Variants in B3GNT5 observed in about 807,000 individuals in gnomAD.
The protein encoded by B3GNT5 is UDP-GlcNAc:betaGal beta-1,3-N-acetylglucosaminyltransferase 5.
In B3GNT5, 11 loss-of-function variants were observed where a neutral mutation model predicts 25.9. That is an observed-to-expected ratio of 0.42 (90% CI 0.27 to 0.70). The LOEUF is 0.70. Among genes scored for constraint, B3GNT5 ranks in the 30% least tolerant of loss-of-function variants. The pLI is 0.23. For missense variants in B3GNT5, 385 were observed against 458.4 expected, an observed-to-expected ratio of 0.84 and a Z score of 1.46; for synonymous variants, 166 against 158.6, an observed-to-expected ratio of 1.05 and a Z score of -0.35.
At position 183,270,194 on chromosome 3, in the gene B3GNT5, A is replaced by G. The variant is rs1213975456; in HGVS notation, c.396A>G (p.Gly132=). Residue 132 remains glycine (G), a synonymous_variant, in exon 2 of 2, where the codon GGA becomes GGG. Transcript: ENST00000326505. This position sits in a 1 kb window ranked among gnomAD's most constrained non-coding sequence, Gnocchi z 4.5. ...NANIKTLFAL[G]TPNPLEGEEL... is the part of the protein sequence containing the mutation. The stretch of plus-strand genomic sequence containing the variant: ...ACATCAAAACTCTGTTTGCCTTAGG[A>G]ACTCCTAATCCACTGGAGGGAGAAG... 1 of 1,614,196 alleles carries G rather than the reference A, an allele frequency of 6.2e-7. No homozygotes were observed. Among genetic ancestry groups the G allele is most frequent in the Admixed American group, 1.7e-5 (1 of 60,018 alleles).
In B3GNT5 at chr3:183,267,066, G is replaced by A. The variant is rs985263219; in HGVS notation, c.-301-2432G>A. ...CTCCCAAAGCGCTAGGATTACAGGCGTGAGCCACCATGGCCGGCCTTCAGC... is the reference window on the plus strand; with the variant it reads ...CTCCCAAAGCGCTAGGATTACAGGCATGAGCCACCATGGCCGGCCTTCAGC... On this transcript the variant is annotated intron_variant, in intron 1 of 1. Coordinates refer to ENST00000326505, the MANE Select transcript of B3GNT5 (RefSeq NM_032047.5). The surrounding 1 kb of genome is among the most constrained non-coding windows in gnomAD (Gnocchi z 5.5). 1.3e-5 allele frequency among the ~76,000 whole-genome samples: 2 copies of A among 152,152 alleles called. No individual in the cohort carries two copies. The highest frequency in any genetic ancestry group is 2.4e-5 in the African/African-American group (1 of 41,436).
Position 183,273,081 on chromosome 3 carries a change from T to C in B3GNT5, c.*2146T>C. 7.1e-7 allele frequency: 1 copy of C among 1,416,720 alleles called. No individual in the cohort carries two copies. The allele number at this position is 1,416,720 out of a possible 1,614,324, so 87.8% of individuals were successfully genotyped here. On this transcript the variant is annotated 3_prime_UTR_variant, in exon 2 of 2. Transcript: ENST00000326505. ...GAAGAGTATCTGTAAATAAAAGGGT[T>C]CCAACCTTTTAAAAAAGAAGGAAAA...
At chr3:183,255,128 G>C (rs1049656695) in intron 1 of B3GNT5, among the ~76,000 whole-genome samples, 3 of 152,164 alleles carry the variant, frequency 2.0e-5, no homozygotes, top group Admixed American at 1.3e-4. Flanking sequence ...TTGTGCGTCT[G>C]TGCCTTTATT....
At chr3:183,257,725 T>C (rs1273562555) in intron 1 of B3GNT5, among the ~76,000 whole-genome samples, 2 of 152,230 alleles carry the variant, frequency 1.3e-5, no homozygotes, top group Non-Finnish European at 2.9e-5. Flanking sequence ...AGGCAGACAC[T>C]GGGTTATATC....
At chr3:183,263,027 G>A (rs1408844543) in intron 1 of B3GNT5, among the ~76,000 whole-genome samples, 1 of 151,958 alleles carries the variant, frequency 6.6e-6, no homozygotes, top group African/African-American at 2.4e-5. Flanking sequence ...TCAGGAGACT[G>A]CTGGGCAGGG....
intron 1 of B3GNT5, among the ~76,000 whole-genome samples, chr3:183,257,958 CTTTTTTTTTTTTTTTT>C (rs35323502): frequency 3.1e-5 from 2 of 64,724 alleles, no homozygotes; most frequent in East Asian, 6.0e-4. Context: ...CCACTTCACC[CTTTTTTTTTTTTTTTT>C]TTTTTTTTTT....
At chr3:183,258,987 C>T (rs74802279) in intron 1 of B3GNT5, among the ~76,000 whole-genome samples, 1 of 152,014 alleles carries the variant, frequency 6.6e-6, no homozygotes, top group Non-Finnish European at 1.5e-5. Flanking sequence ...TGCATAATGA[C>T]AAGAAAAAAA....
chr3:183,261,348 G>A (rs1401628963), intron 1 of B3GNT5, among the ~76,000 whole-genome samples: 1 of 152,088 alleles, frequency 6.6e-6, no homozygotes, highest in Non-Finnish European at 1.5e-5. Context: ...AAAATACTTG[G>A]AATATAGAAC....
chr3:183,267,081 C>T lies in B3GNT5; in HGVS notation c.-301-2417C>T, dbSNP rs182623029. On this transcript the variant is annotated intron_variant, in intron 1 of 1. Coordinates refer to ENST00000326505, the MANE Select transcript of B3GNT5 (RefSeq NM_032047.5). This position sits in a 1 kb window ranked among gnomAD's most constrained non-coding sequence, Gnocchi z 5.5. ...GATTACAGGCGTGAGCCACCATGGC[C>T]GGCCTTCAGCCTTTGTGATATTAAA... 3.4e-3 allele frequency among the ~76,000 whole-genome samples: 512 copies of T among 152,282 alleles called. 5 individuals carry two copies. Among genetic ancestry groups the T allele is most frequent in the African/African-American group, 0.011 (464 of 41,556 alleles).
In B3GNT5 at chr3:183,270,997, T is replaced by A; in HGVS notation, c.*62T>A. The A allele has an allele frequency of 6.9e-7, 1 of 1,443,086 alleles. No homozygotes were observed. The highest frequency in any genetic ancestry group is 9.3e-7 in the Non-Finnish European group (1 of 1,071,704). 89.4% of individuals were successfully genotyped at this position (1,443,086 alleles called of 1,614,324 possible). A position where few individuals can be genotyped will look rare whatever the true frequency, so the allele number is the denominator to read the frequency against. On this transcript the variant is annotated 3_prime_UTR_variant, in exon 2 of 2. Transcript: ENST00000326505. The surrounding 1 kb of genome is among the most constrained non-coding windows in gnomAD (Gnocchi z 4.5). ...GTCAAACCTGGATGAAAAAAACCTT[T>A]AAATGTTCGTCTATACCCTAAGTAA...
At chr3:183,268,704 A>G (rs961164545) in intron 1 of B3GNT5, among the ~76,000 whole-genome samples, 1 of 152,210 alleles carries the variant, frequency 6.6e-6, no homozygotes, top group Non-Finnish European at 1.5e-5. Context: ...TTTAATTTGC[A>G]TAAAGACTTC....
At chr3:183,257,946 C>CTCCACT (rs1255131728) in intron 1 of B3GNT5, among the ~76,000 whole-genome samples, 1 of 147,854 alleles carries the variant, frequency 6.8e-6, no homozygotes, top group Non-Finnish European at 1.5e-5. Flanking sequence ...TCCTTGCTCC[C>CTCCACT]TCCACTTCAC....
intron 1 of B3GNT5, among the ~76,000 whole-genome samples, chr3:183,255,386 T>C (rs559549776): frequency 1.3e-5 from 2 of 152,368 alleles, no homozygotes; most frequent in African/African-American, 4.8e-5. Context: ...GGCCAACTCT[T>C]TGCTTTTAAA....
At position 183,272,689 on chromosome 3, in the gene B3GNT5, A is replaced by G. The variant is rs1298378385; in HGVS notation, c.*1754A>G. 1 of 1,008,926 alleles carries G rather than the reference A, an allele frequency of 9.9e-7. No homozygotes were observed. Among genetic ancestry groups the G allele is most frequent in the African/African-American group, 1.7e-5 (1 of 57,682 alleles). The allele number at this position is 1,008,926 out of a possible 1,614,324, so 62.5% of individuals were successfully genotyped here. On this transcript the variant is annotated 3_prime_UTR_variant, in exon 2 of 2. Coordinates refer to ENST00000326505, the MANE Select transcript of B3GNT5 (RefSeq NM_032047.5). Reference sequence around the variant, plus strand: ...TTAAGTTTTCTGACCAATTAAAAAAACATAGAGAACAAAAGCATATTTGAC... The same window carrying G: ...TTAAGTTTTCTGACCAATTAAAAAAGCATAGAGAACAAAAGCATATTTGAC...
At chr3:183,255,807 TA>T (rs543086878) in intron 1 of B3GNT5, among the ~76,000 whole-genome samples, 8,416 of 134,120 alleles carry the variant, frequency 0.063, 253 homozygotes, top group South Asian at 0.12. Flanking sequence ...GGTGAGATTG[TA>T]AAAAAAAAAA....
At chr3:183,263,549 G>A (rs908872452) in intron 1 of B3GNT5, among the ~76,000 whole-genome samples, 4 of 151,784 alleles carry the variant, frequency 2.6e-5, no homozygotes, top group African/African-American at 4.8e-5. Flanking sequence ...CTCCTTCTCC[G>A]GAGTTTATTT....
At chr3:183,263,163 C>G (rs1395852657) in intron 1 of B3GNT5, among the ~76,000 whole-genome samples, 2 of 152,108 alleles carry the variant, frequency 1.3e-5, no homozygotes, top group Non-Finnish European at 1.5e-5. Flanking sequence ...GCCATGTAAA[C>G]AACTTCCTGG....
At position 183,267,531 on chromosome 3, in the gene B3GNT5, C is replaced by G. The variant is rs567657272; in HGVS notation, c.-301-1967C>G. 6.6e-6 allele frequency among the ~76,000 whole-genome samples: 1 copy of G among 152,178 alleles called. No individual in the cohort carries two copies. The highest frequency in any genetic ancestry group is 2.4e-5 in the African/African-American group (1 of 41,442). On this transcript the variant is annotated intron_variant, in intron 1 of 1. Coordinates refer to ENST00000326505, the MANE Select transcript of B3GNT5 (RefSeq NM_032047.5). This position sits in a 1 kb window ranked among gnomAD's most constrained non-coding sequence, Gnocchi z 5.5. ...TGGTTTTCTATCAGGGGTCAACCGGCGGGGGGACTTGAGAACAGATCTCTG... is the reference window on the plus strand; with the variant it reads ...TGGTTTTCTATCAGGGGTCAACCGGGGGGGGGACTTGAGAACAGATCTCTG...
chr3:183,272,331 AAG>A lies in B3GNT5; in HGVS notation c.*1399_*1400del, dbSNP rs1726849384. 1 of 1,000,192 alleles carries A rather than the reference AAG, an allele frequency of 1.0e-6. No homozygotes were observed. The highest frequency in any genetic ancestry group is 1.7e-5 in the African/African-American group (1 of 57,246). The allele number at this position is 1,000,192 out of a possible 1,614,324, so 62.0% of individuals were successfully genotyped here. A position where few individuals can be genotyped will look rare whatever the true frequency, so the allele number is the denominator to read the frequency against. On this transcript the variant is annotated 3_prime_UTR_variant, in exon 2 of 2. Coordinates refer to ENST00000326505, the MANE Select transcript of B3GNT5 (RefSeq NM_032047.5). ...TGAAGGCCAAAATAATGACTTCAGC[AAG>A]AGTGACTGAACTCACTCTAAGGCCT...
Sources: allele counts gnomAD v4.1 joint callset (sites outside exome capture counted in the v4.1 genomes callset), GRCh38; gene constraint gnomAD v4.1.1; non-coding constraint Gnocchi (gnomAD v3.1); transcripts MANE v1.5; gene names NCBI Gene and HGNC (gene_info 2026-07-23, HGNC 2026-07-21).